The following PTPRD variants were observed in gnomAD, a reference collection of about 807,000 sequenced individuals.
The protein encoded by PTPRD is receptor-type tyrosine-protein phosphatase delta.
Under a neutral mutation model 214.5 loss-of-function variants are expected in PTPRD, and 34 were observed. The observed-to-expected ratio is 0.16, with a 90% confidence interval of 0.12 to 0.21. PTPRD has a LOEUF of 0.21. Among genes scored for constraint, PTPRD ranks in the 10% least tolerant of loss-of-function variants. The pLI, the probability that PTPRD is intolerant of heterozygous loss-of-function variation, is 1.00. For missense variants in PTPRD, 2,545 were observed against 2,398.7 expected (o/e 1.06, Z -1.27); for synonymous variants, 1,128 against 845.7 (o/e 1.33, Z -5.79).
intron 9 of PTPRD, among the ~76,000 whole-genome samples, chr9:9,323,539 A>G (rs1461849970): frequency 2.0e-5 from 3 of 152,140 alleles, no homozygotes; most frequent in Non-Finnish European, 4.4e-5. Flanking sequence ...AATTTTTCTA[A>G]CATTGTTAAC....
At chr9:10,273,296 G>A (rs1455959485) in intron 3 of PTPRD, among the ~76,000 whole-genome samples, 3 of 151,988 alleles carry the variant, frequency 2.0e-5, no homozygotes, top group African/African-American at 7.2e-5. Flanking sequence ...CCACACCATG[G>A]GGTACATATT....
At chr9:9,918,071 G>T (rs955294175) in intron 5 of PTPRD, among the ~76,000 whole-genome samples, 1 of 151,850 alleles carries the variant, frequency 6.6e-6, no homozygotes, top group Non-Finnish European at 1.5e-5. Context: ...AATTAGGCAA[G>T]AGAAAGAAAA....
intron 3 of PTPRD, among the ~76,000 whole-genome samples, chr9:10,097,382 C>T (rs2098501901): frequency 7.0e-6 from 1 of 143,014 alleles, no homozygotes; most frequent in African/African-American, 2.7e-5. Flanking sequence ...ATGGAATGTT[C>T]TTCCATTTGT....
At chr9:8,845,789 C>A (rs1198306828) in intron 11 of PTPRD, among the ~76,000 whole-genome samples, 1 of 152,222 alleles carries the variant, frequency 6.6e-6, no homozygotes, top group African/African-American at 2.4e-5. Context: ...TTTCCCACTG[C>A]AGTTCCTACG....
intron 11 of PTPRD, among the ~76,000 whole-genome samples, chr9:8,791,552 G>A (rs1488342901): frequency 1.6e-5 from 2 of 122,170 alleles, no homozygotes; most frequent in Non-Finnish European, 3.2e-5. Flanking sequence ...TTTTGAGACA[G>A]AGTCCTGCTC....
chr9:9,820,293 A>T (rs1043877406), intron 5 of PTPRD, among the ~76,000 whole-genome samples: 4 of 152,036 alleles, frequency 2.6e-5, no homozygotes, highest in African/African-American at 9.7e-5. Flanking sequence ...CTTCTTTTAA[A>T]AAGTGTCTGT....
At chr9:9,157,275 A>G (rs189684065) in intron 10 of PTPRD, among the ~76,000 whole-genome samples, 1 of 152,264 alleles carries the variant, frequency 6.6e-6, no homozygotes. Flanking sequence ...GGAAATAACA[A>G]AGTTCAGAGC....
At chr9:8,531,892 G>C (rs139402086) in intron 14 of PTPRD, among the ~76,000 whole-genome samples, 4 of 151,948 alleles carry the variant, frequency 2.6e-5, no homozygotes, top group African/African-American at 9.7e-5. Flanking sequence ...GGGGATAGCC[G>C]ACAAAATTGA....
intron 3 of PTPRD, among the ~76,000 whole-genome samples, chr9:10,040,492 G>A (rs1022381153): frequency 6.6e-6 from 1 of 152,008 alleles, no homozygotes; most frequent in Non-Finnish European, 1.5e-5. Context: ...TGCAATCACT[G>A]CTTATTCACC....
chr9:8,806,383 A>C (rs1008260525), intron 11 of PTPRD, among the ~76,000 whole-genome samples: 32 of 152,086 alleles, frequency 2.1e-4, no homozygotes, highest in African/African-American at 7.5e-4. Flanking sequence ...TCAAACTGCA[A>C]TCATATAATT....
intron 8 of PTPRD, among the ~76,000 whole-genome samples, chr9:9,440,854 C>A (rs944254710): frequency 6.6e-6 from 1 of 152,110 alleles, no homozygotes; most frequent in South Asian, 2.1e-4. Flanking sequence ...AGCACATGGG[C>A]TTTTCTGAGT....
intron 7 of PTPRD, among the ~76,000 whole-genome samples, chr9:9,647,081 G>A (rs976501401): frequency 5.3e-5 from 8 of 151,896 alleles, no homozygotes; most frequent in African/African-American, 1.7e-4. Flanking sequence ...AACTTCTTCA[G>A]GTCTGAATAA....
intron 14 of PTPRD, among the ~76,000 whole-genome samples, chr9:8,560,864 A>G (rs531728552): frequency 7.9e-5 from 12 of 152,148 alleles, no homozygotes; most frequent in Non-Finnish European, 1.6e-4. Flanking sequence ...GCTGGATTCA[A>G]ACGACAAATT....
chr9:8,565,716 A>G (rs1427775683), intron 14 of PTPRD, among the ~76,000 whole-genome samples: 1 of 152,212 alleles, frequency 6.6e-6, no homozygotes, highest in African/African-American at 2.4e-5. Flanking sequence ...TATAAATTTA[A>G]ACTGCTAAAG....
chr9:10,082,027 T>C (rs1001968591), intron 3 of PTPRD, among the ~76,000 whole-genome samples: 3 of 152,094 alleles, frequency 2.0e-5, no homozygotes, highest in African/African-American at 7.2e-5. Context: ...ATAAGGGTTA[T>C]ACCTCATTAA....
chr9:10,075,816 A>T (rs995477169), intron 3 of PTPRD, among the ~76,000 whole-genome samples: 2 of 152,100 alleles, frequency 1.3e-5, no homozygotes, highest in Non-Finnish European at 2.9e-5. Flanking sequence ...CAAATAACCA[A>T]GGGCTGAGGT....
At position 8,488,853 on chromosome 9, in the gene PTPRD, A is replaced by C. The variant is rs74998542; in HGVS notation, c.2468-2504T>G. Among the ~76,000 whole-genome samples, 45 of 152,294 alleles carry C rather than the reference A, an allele frequency of 3.0e-4. No individual in the cohort carries two copies. In the East Asian group the frequency reaches 8.5e-3, roughly 29 times the overall value. ...CAACAGAGAATACAGCCTTCAATAT[A>C]TGAAACTCCGTTGAAACGAGTGGGT... is the stretch of plus-strand genomic sequence containing the variant. On this transcript the variant is annotated intron_variant, in intron 27 of 45. Transcript: ENST00000381196.
At chr9:10,501,741 G>C (rs558353751) in intron 2 of PTPRD, among the ~76,000 whole-genome samples, 11 of 152,124 alleles carry the variant, frequency 7.2e-5, no homozygotes, top group Non-Finnish European at 1.5e-4. Flanking sequence ...TATTAATAGA[G>C]TGGGACTTTA....
chr9:10,373,144 T>TAAA (rs5896388), intron 2 of PTPRD, among the ~76,000 whole-genome samples: 6 of 137,836 alleles, frequency 4.4e-5, no homozygotes, highest in African/African-American at 1.6e-4. Context: ...TCTTTATACT[T>TAAA]AAAAAAAAAA....
Sources: allele counts gnomAD v4.1 joint callset (sites outside exome capture counted in the v4.1 genomes callset), GRCh38; gene constraint gnomAD v4.1.1; transcripts MANE v1.5; gene names NCBI Gene and HGNC (gene_info 2026-07-23, HGNC 2026-07-21).